The following PLXNA4 variants were observed in gnomAD, a reference collection of about 807,000 sequenced individuals.
PLXNA4 encodes the protein plexin A4.
PLXNA4 carries 44 observed loss-of-function variants against 191.8 expected under a neutral mutation model. The observed-to-expected ratio is 0.23, with a 90% CI of 0.18 to 0.29. PLXNA4 has a LOEUF of 0.29. Ranked by LOEUF, PLXNA4 falls within the 10% of genes least tolerant of loss-of-function variation. The probability of loss-of-function intolerance (pLI) is 1.00; values close to 1 mark genes in which losing one functional copy is unlikely to be tolerated. For missense variants in PLXNA4, 1,800 were observed against 2,488.8 expected (o/e 0.72, Z 5.89); for synonymous variants, 1,082 against 1,009.5 (o/e 1.07, Z -1.36).
chr7:132,375,293 C>A (rs908934700), intron 3 of PLXNA4, among the ~76,000 whole-genome samples: 3 of 132,840 alleles, frequency 2.3e-5, no homozygotes, highest in South Asian at 2.3e-4. Context: ...CCCCCCCCCA[C>A]GCCCCAGCCC....
intron 4 of PLXNA4, among the ~76,000 whole-genome samples, chr7:132,261,560 C>T (rs1427701424): frequency 2.6e-5 from 4 of 152,244 alleles, no homozygotes; most frequent in Admixed American, 1.3e-4. Flanking sequence ...GGACAAGCCA[C>T]ACCCCAAGGT....
chr7:132,626,344 C>G (rs552357676), intron 2 of PLXNA4, among the ~76,000 whole-genome samples: 2 of 152,198 alleles, frequency 1.3e-5, no homozygotes, highest in East Asian at 3.9e-4. Context: ...AGAGTGCTGT[C>G]GGTGCTCAGC....
At chr7:132,474,709 G>A (rs569645772) in intron 3 of PLXNA4, among the ~76,000 whole-genome samples, 1 of 152,268 alleles carries the variant, frequency 6.6e-6, no homozygotes, top group Non-Finnish European at 1.5e-5. Context: ...AGCATCTGCT[G>A]TTTCCCCTGC....
chr7:132,222,984 G>A (rs1562975734), intron 9 of PLXNA4, among the ~76,000 whole-genome samples: 1 of 152,208 alleles, frequency 6.6e-6, no homozygotes, highest in Non-Finnish European at 1.5e-5. Flanking sequence ...TGGAACAGAA[G>A]ACTTCGTGTT....
At chr7:132,412,895 G>A (rs914947311) in intron 3 of PLXNA4, among the ~76,000 whole-genome samples, 2 of 152,104 alleles carry the variant, frequency 1.3e-5, no homozygotes, top group Admixed American at 6.5e-5. Context: ...TTGGAGGGAC[G>A]ACCCCTCTCC....
At chr7:132,283,046 A>G (rs997687108) in intron 4 of PLXNA4, among the ~76,000 whole-genome samples, 1 of 151,932 alleles carries the variant, frequency 6.6e-6, no homozygotes, top group Admixed American at 6.6e-5. Context: ...TACCCAGCTA[A>G]TTTTTGTAGA....
chr7:132,335,547 C>A (rs62466384), intron 3 of PLXNA4, among the ~76,000 whole-genome samples: 4 of 152,120 alleles, frequency 2.6e-5, no homozygotes, highest in African/African-American at 9.7e-5. Context: ...CACCCCCACC[C>A]CCGGCACCGG....
chr7:132,562,607 C>A (rs1563174403), intron 1 of PLXNA4, among the ~76,000 whole-genome samples: 1 of 126,408 alleles, frequency 7.9e-6, no homozygotes, highest in Non-Finnish European at 1.6e-5. Context: ...TCCTCCTCCT[C>A]CTTCTCCTCC....
chr7:132,360,860 T>G (rs1563056560), intron 3 of PLXNA4, among the ~76,000 whole-genome samples: 2 of 152,202 alleles, frequency 1.3e-5, no homozygotes. Flanking sequence ...GTCTACCGAG[T>G]GCATTCTGCT....
intron 3 of PLXNA4, among the ~76,000 whole-genome samples, chr7:132,328,074 G>A (rs1326890367): frequency 6.6e-6 from 1 of 152,138 alleles, no homozygotes; most frequent in Non-Finnish European, 1.5e-5. Flanking sequence ...TCTCTTCCTC[G>A]TTCCGCTCTG....
At chr7:132,185,061 G>T (rs1796831226) in intron 16 of PLXNA4, among the ~76,000 whole-genome samples, 1 of 152,166 alleles carries the variant, frequency 6.6e-6, no homozygotes, top group South Asian at 2.1e-4. Flanking sequence ...CTTGAACTGG[G>T]AAAGGTGGGT....
intron 2 of PLXNA4, among the ~76,000 whole-genome samples, chr7:132,604,988 G>T (rs887545668): frequency 9.9e-5 from 15 of 152,150 alleles, no homozygotes; most frequent in South Asian, 2.1e-4. Context: ...ACCAGCCCAG[G>T]CTCAGCATCA....
At chr7:132,161,271 G>A (rs11761595) in intron 24 of PLXNA4, among the ~76,000 whole-genome samples, 86,570 of 152,174 alleles carry the variant, frequency 0.57, 29,656 homozygotes, top group East Asian at 0.8. Flanking sequence ...TCTAATTGCC[G>A]CAGGAATTCA....
In PLXNA4 at chr7:132,275,157, T is replaced by C. The variant is rs79564278; in HGVS notation, c.1503+22934A>G. 4.5e-3 allele frequency among the ~76,000 whole-genome samples: 691 copies of C among 152,280 alleles called. 7 individuals carry two copies. Among genetic ancestry groups the C allele is most frequent in the African/African-American group, 0.016 (658 of 41,550 alleles). On this transcript the variant is annotated intron_variant, in intron 4 of 31. Coordinates refer to ENST00000321063, the MANE Select transcript of PLXNA4 (RefSeq NM_020911.2). ...TCTATAATTATTATTGTAACATAAT[T>C]AAAGATTTTTCCTCTTTTCTTCCAC... is the stretch of plus-strand genomic sequence containing the variant.
intron 13 of PLXNA4, 67 bp downstream of exon 13, chr7:132,198,418 G>T: frequency 6.4e-7 from 1 of 1,553,192 alleles, no homozygotes; most frequent in East Asian, 2.3e-5. Context: ...TTGCTGACCA[G>T]GACATCCCTA....
At chr7:132,609,634 T>C (rs546908586) in intron 2 of PLXNA4, among the ~76,000 whole-genome samples, 33 of 152,318 alleles carry the variant, frequency 2.2e-4, no homozygotes, top group Non-Finnish European at 3.8e-4. Flanking sequence ...CTAATAGATA[T>C]TATTATCCTC....
At chr7:132,511,876 G>A (rs1229900668) in intron 1 of PLXNA4, among the ~76,000 whole-genome samples, 4 of 152,122 alleles carry the variant, frequency 2.6e-5, no homozygotes, top group African/African-American at 9.7e-5. Flanking sequence ...CCTGATTTTA[G>A]AGACAAGGAA....
At chr7:132,333,331 C>T (rs1209767035) in intron 3 of PLXNA4, among the ~76,000 whole-genome samples, 1 of 152,228 alleles carries the variant, frequency 6.6e-6, no homozygotes, top group African/African-American at 2.4e-5. Context: ...TCTCCCAGCT[C>T]CCCTCCATGC....
intron 3 of PLXNA4, among the ~76,000 whole-genome samples, chr7:132,316,408 G>A (rs1188017607): frequency 1.3e-5 from 2 of 152,182 alleles, no homozygotes; most frequent in African/African-American, 2.4e-5. Context: ...GGTGGACTTA[G>A]GAGGAACATT....
Sources: allele counts gnomAD v4.1 joint callset (sites outside exome capture counted in the v4.1 genomes callset), GRCh38; gene constraint gnomAD v4.1.1; transcripts MANE v1.5; gene names NCBI Gene and HGNC (gene_info 2026-07-23, HGNC 2026-07-21).